Variants in DSCAM observed in about 807,000 individuals in gnomAD.
DSCAM encodes DS cell adhesion molecule.
In DSCAM, 47 loss-of-function variants were observed where a neutral mutation model predicts 217.7. The ratio of observed to expected loss-of-function variants is 0.22; its 90% confidence interval spans 0.17 to 0.28. The LOEUF is 0.28. Ranked by LOEUF, DSCAM falls within the 10% of genes least tolerant of loss-of-function variation. DSCAM has a pLI of 1.00. For missense variants in DSCAM, 2,080 were observed against 2,618.3 expected (o/e 0.79, Z 4.49); for synonymous variants, 1,056 against 1,015.3 (o/e 1.04, Z -0.76).
At position 40,579,610 on chromosome 21, in the gene DSCAM, T is replaced by A. The variant is rs112143402; in HGVS notation, c.508+113200A>T. 5.4e-3 allele frequency among the ~76,000 whole-genome samples: 816 copies of A among 152,234 alleles called. 7 individuals carry two copies. The highest frequency in any genetic ancestry group is 0.018 in the African/African-American group (758 of 41,532). ...GTCTTGCCTATATGAAACTACAGAC[T>A]ATTACAGAGCCAGAGAAATATATTC... On this transcript the variant is annotated intron_variant, in intron 3 of 32. Coordinates refer to ENST00000400454, the MANE Select transcript of DSCAM (RefSeq NM_001389.5).
At chr21:40,684,179 C>T (rs967445234) in intron 3 of DSCAM, among the ~76,000 whole-genome samples, 3 of 151,506 alleles carry the variant, frequency 2.0e-5, no homozygotes, top group Non-Finnish European at 4.4e-5. Context: ...GAGCCGAGAT[C>T]GCGTCACTGC....
At chr21:40,065,441 GA>G (rs769972256) in intron 27 of DSCAM, among the ~76,000 whole-genome samples, 1 of 152,030 alleles carries the variant, frequency 6.6e-6, no homozygotes, top group African/African-American at 2.4e-5. Flanking sequence ...GACAAGCCAA[GA>G]AAAAAATTTA....
chr21:40,214,735 C>CAAAAAAAAAAAAAA (rs1209648217), intron 11 of DSCAM, among the ~76,000 whole-genome samples: 11 of 67,816 alleles, frequency 1.6e-4, no homozygotes, highest in South Asian at 5.8e-4. Flanking sequence ...GCAACAACAG[C>CAAAAAAAAAAAAAA]AAAAAAAAAA....
rs142506070 is a variant in DSCAM at position 40,448,031 on chromosome 21, T to C, written c.509-78786A>G. Among the ~76,000 whole-genome samples, 10 of 152,358 alleles carry C rather than the reference T, an allele frequency of 6.6e-5. No homozygotes were observed. The East Asian group carries it at 1.7e-3, about 26-fold the overall frequency. The stretch of plus-strand genomic sequence containing the variant: ...CTTGTACATGTTGAATAAAATTCAA[T>C]ATAAAGGCTAACTTCCCTCAATAGG... On this transcript the variant is annotated intron_variant, in intron 3 of 32. Transcript: ENST00000400454.
intron 3 of DSCAM, among the ~76,000 whole-genome samples, chr21:40,516,951 CCTTA>C (rs1380761495): frequency 6.8e-6 from 1 of 146,384 alleles, no homozygotes; most frequent in South Asian, 2.1e-4. Context: ...TACATATTCA[CCTTA>C]CTCTCTGTAA....
chr21:40,045,491 C>T (rs1313404613), intron 30 of DSCAM, among the ~76,000 whole-genome samples: 1 of 152,182 alleles, frequency 6.6e-6, no homozygotes, highest in Non-Finnish European at 1.5e-5. Context: ...CTTAGCTCAA[C>T]CCTTTGGTGA....
At chr21:40,633,892 G>T (rs2089723101) in intron 3 of DSCAM, among the ~76,000 whole-genome samples, 2 of 152,096 alleles carry the variant, frequency 1.3e-5, no homozygotes, top group Admixed American at 1.3e-4. Context: ...TATTAGATTG[G>T]GAAGCCTCCC....
At chr21:40,336,663 C>T (rs1167602295) in intron 8 of DSCAM, among the ~76,000 whole-genome samples, 1 of 152,162 alleles carries the variant, frequency 6.6e-6, no homozygotes, top group East Asian at 1.9e-4. Flanking sequence ...CTGACTATTG[C>T]AATGAACCAT....
chr21:40,800,422 G>A (rs2205097), intron 1 of DSCAM, among the ~76,000 whole-genome samples: 68,534 of 151,816 alleles, frequency 0.45, 17,347 homozygotes, highest in South Asian at 0.65. Flanking sequence ...TTCTGGTGAG[G>A]GCTTAGAAGG....
Position 40,044,073 on chromosome 21 carries a change from C to A in DSCAM, c.5383+5G>T, listed in dbSNP as rs769041413. 1.9e-6 allele frequency: 3 copies of A among 1,613,044 alleles called. No homozygotes were observed. In the Admixed American group the frequency reaches 5.0e-5, roughly 27 times the overall value. ...AGGGACGGAGGAGGCAGCGTCAGGG[C>A]CTACCTGTGTCTTGCGAGGGGCTGA... On this transcript the variant is annotated splice_donor_5th_base_variant and intron_variant, in intron 31 of 32. Transcript: ENST00000400454.
intron 11 of DSCAM, among the ~76,000 whole-genome samples, chr21:40,240,354 T>TTTTTTG (rs2073134466): frequency 7.5e-6 from 1 of 132,840 alleles, no homozygotes; most frequent in African/African-American, 2.7e-5. Flanking sequence ...CACTGGTTTT[T>TTTTTTG]TTTTTTTTTT....
At chr21:40,587,079 T>C (rs467385) in intron 3 of DSCAM, among the ~76,000 whole-genome samples, 130,456 of 152,100 alleles carry the variant, frequency 0.86, 56,025 homozygotes, top group East Asian at 0.96. Flanking sequence ...AATAATCTTG[T>C]GATCAACAAA....
intron 10 of DSCAM, 39 bp from the exon 11 acceptor site, chr21:40,276,309 A>C: frequency 6.5e-7 from 1 of 1,548,504 alleles, no homozygotes; most frequent in Non-Finnish European, 8.7e-7. Context: ...GATGCAAACG[A>C]GAGTAAGTAT....
chr21:40,178,543 C>T (rs1322844456), intron 15 of DSCAM, among the ~76,000 whole-genome samples: 1 of 152,188 alleles, frequency 6.6e-6, no homozygotes. Context: ...AGCATTACTG[C>T]TTCCTCCCAC....
At chr21:40,231,257 G>A (rs1453195278) in intron 11 of DSCAM, among the ~76,000 whole-genome samples, 4 of 151,626 alleles carry the variant, frequency 2.6e-5, no homozygotes, top group African/African-American at 4.8e-5. Flanking sequence ...ACCCCAAGAC[G>A]GTGGCCTTTA....
At chr21:40,504,551 G>A (rs144158428) in intron 3 of DSCAM, among the ~76,000 whole-genome samples, 12 of 152,272 alleles carry the variant, frequency 7.9e-5, no homozygotes, top group South Asian at 2.1e-4. Flanking sequence ...CATGACACTC[G>A]TTTTAGAAAG....
chr21:40,707,777 C>A (rs971108894), intron 2 of DSCAM, among the ~76,000 whole-genome samples: 1 of 152,124 alleles, frequency 6.6e-6, no homozygotes, highest in African/African-American at 2.4e-5. Flanking sequence ...ATCTATAGAA[C>A]CACACAATCT....
At position 40,084,020 on chromosome 21, in the gene DSCAM, A is replaced by G. The variant is rs1355062834; in HGVS notation, c.4133-14T>C. 6.3e-7 allele frequency: 1 copy of G among 1,598,092 alleles called. No individual in the cohort carries two copies. The highest frequency in any genetic ancestry group is 1.1e-5 in the South Asian group (1 of 88,396). Reference sequence around the variant, plus strand: ...GATCTGGTGGAACTGGAGAGGAAACAGTTTTTAGAAAACAAGAATTAGTTT... The same window carrying G: ...GATCTGGTGGAACTGGAGAGGAAACGGTTTTTAGAAAACAAGAATTAGTTT... On this transcript the variant is annotated splice_polypyrimidine_tract_variant and intron_variant, in intron 23 of 32. Coordinates refer to ENST00000400454, the MANE Select transcript of DSCAM (RefSeq NM_001389.5).
intron 3 of DSCAM, among the ~76,000 whole-genome samples, chr21:40,564,013 G>A (rs985877675): frequency 4.6e-5 from 7 of 152,296 alleles, no homozygotes; most frequent in Middle Eastern, 3.4e-3. Context: ...AAAGGCACGC[G>A]GCTGAAAGCC....
Sources: gnomAD v4.1 joint callset for allele counts (sites outside exome capture counted in the v4.1 genomes callset) on GRCh38, gnomAD v4.1.1 for gene constraint, MANE v1.5 for transcripts, NCBI Gene and HGNC (gene_info 2026-07-23, HGNC 2026-07-21) for gene names.